SANBR: variants seen among roughly 807,000 people sequenced by gnomAD.
SANBR encodes the protein SANT and BTB domain regulator of CSR.
Under a neutral mutation model 101.8 loss-of-function variants are expected in SANBR, and 77 were observed. The observed-to-expected ratio is 0.76, with a 90% confidence interval of 0.63 to 0.91. SANBR has a LOEUF of 0.91. Among genes scored for constraint, SANBR ranks in the 40% least tolerant of loss-of-function variants. The pLI, the probability that SANBR is intolerant of heterozygous loss-of-function variation, is 0.00. For synonymous variants in SANBR, 279 were observed against 274.7 expected (o/e 1.02, Z -0.15); for missense variants, 875 against 853.0 (o/e 1.03, Z -0.32).
At chr2:61,106,538 C>T (rs765357937) in intron 13 of SANBR, 25 bp from the exon 14 acceptor site, 15 of 1,438,764 alleles carry the variant, frequency 1.0e-5, no homozygotes, top group Middle Eastern at 1.7e-4. Context: ...AACTCTTCTC[C>T]GTAAAAATGT....
At chr2:61,100,163 G>A (rs1683216508) in intron 12 of SANBR, among the ~76,000 whole-genome samples, 4 of 152,168 alleles carry the variant, frequency 2.6e-5, no homozygotes, top group Admixed American at 2.6e-4. Flanking sequence ...GGAATGCAAT[G>A]GCACGATCTC....
At chr2:61,128,376 C>G (rs928069318), downstream of SANBR, among the ~76,000 whole-genome samples, 1 of 152,146 alleles carries the variant, frequency 6.6e-6, no homozygotes, top group Non-Finnish European at 1.5e-5. Context: ...GATAACAGCC[C>G]AGGCACAGTG....
At chr2:61,098,143 G>T (rs1683121420) in intron 12 of SANBR, among the ~76,000 whole-genome samples, 1 of 143,210 alleles carries the variant, frequency 7.0e-6, no homozygotes, top group Non-Finnish European at 1.5e-5. Context: ...TCGCTCTGTT[G>T]CCCAGGGTGG....
intron 5 of SANBR, among the ~76,000 whole-genome samples, chr2:61,076,600 C>G (rs1440779404): frequency 2.0e-5 from 3 of 148,624 alleles, no homozygotes; most frequent in African/African-American, 7.4e-5. Context: ...TGCAGTCCAG[C>G]CTGGGTGACA....
Position 61,088,139 on chromosome 2 carries a change from T to G in SANBR, c.891-20T>G, listed in dbSNP as rs1028767356. On this transcript the variant is annotated intron_variant, in intron 8 of 21. Coordinates refer to ENST00000402291, the MANE Select transcript of SANBR (RefSeq NM_001129993.3). ...AAAGTAGTGTAGAAAATTAATATTT[T>G]GGTCATTTGTTGTTAATAGCAAACT... 2.9e-6 allele frequency: 4 copies of G among 1,361,954 alleles called. No individual in the cohort carries two copies. 84.4% of individuals were successfully genotyped at this position (1,361,954 alleles called of 1,614,324 possible).
chr2:61,089,066 T>C (rs919659050), intron 10 of SANBR: 4 of 953,434 alleles, frequency 4.2e-6, no homozygotes, highest in South Asian at 5.0e-5. Context: ...AATGCTCTCT[T>C]TTCACTAACA....
Position 61,123,374 on chromosome 2 carries a change from A to T in SANBR, c.*1212A>T, listed in dbSNP as rs1205534396. The T allele has an allele frequency of 2.0e-6, 2 of 982,448 alleles. No homozygotes were observed. The highest frequency in any genetic ancestry group is 2.4e-6 in the Non-Finnish European group (2 of 827,188). 60.9% of individuals were successfully genotyped at this position (982,448 alleles called of 1,614,324 possible). On this transcript the variant is annotated 3_prime_UTR_variant, in exon 22 of 22. Coordinates refer to ENST00000402291, the MANE Select transcript of SANBR (RefSeq NM_001129993.3). ...TGTTACACTCAGTTTACACGTACAG[A>T]AATCATTCTTTTTAGTGAGTCTTTT... is the stretch of plus-strand genomic sequence containing the variant.
At chr2:61,129,492 CTA>C (rs928781974) in intron 20 of SANBR, among the ~76,000 whole-genome samples, 4 of 151,122 alleles carry the variant, frequency 2.6e-5, no homozygotes, top group African/African-American at 9.7e-5. Flanking sequence ...ACAAATGACT[CTA>C]GACAGTAATA....
At chr2:61,088,500 TTTG>T in intron 10 of SANBR, 32 bp downstream of exon 10, 4 of 1,295,966 alleles carry the variant, frequency 3.1e-6, no homozygotes, top group Non-Finnish European at 4.3e-6. Context: ...TACATGTATT[TTTG>T]TATATATATA....
chr2:61,112,146 T>G (rs1236253672), intron 16 of SANBR, among the ~76,000 whole-genome samples: 7 of 152,208 alleles, frequency 4.6e-5, no homozygotes, highest in Admixed American at 2.0e-4. Context: ...AAGTGGCCGT[T>G]TTGCATCTCT....
At chr2:61,097,596 T>C in intron 11 of SANBR, 104 bp from the exon 12 acceptor site, 1 of 889,846 alleles carries the variant, frequency 1.1e-6, no homozygotes, top group Non-Finnish European at 1.7e-6. Context: ...TTTTTCTGCA[T>C]ATTTCATATA....
At chr2:61,080,311 T>C (rs1214931104) in intron 6 of SANBR, among the ~76,000 whole-genome samples, 2 of 151,862 alleles carry the variant, frequency 1.3e-5, no homozygotes, top group Non-Finnish European at 2.9e-5. Context: ...CCAGGAAAAC[T>C]ACCAAAATGC....
At chr2:61,088,904 G>C in intron 10 of SANBR, 2 of 913,102 alleles carry the variant, frequency 2.2e-6, no homozygotes, top group Non-Finnish European at 2.6e-6. Context: ...TTTTCTGCAT[G>C]TTATCCAACT....
intron 12 of SANBR, among the ~76,000 whole-genome samples, chr2:61,102,365 C>CAAAA (rs35795015): frequency 3.4e-5 from 2 of 59,444 alleles, no homozygotes; most frequent in African/African-American, 6.4e-5. Flanking sequence ...GACTGTGTCT[C>CAAAA]AAAAAAAAAA....
intron 5 of SANBR, among the ~76,000 whole-genome samples, chr2:61,074,441 C>G (rs139352927): frequency 0.023 from 3,439 of 152,260 alleles, 125 homozygotes; most frequent in African/African-American, 0.077. Flanking sequence ...CAAAGTCTCA[C>G]GCTGTCACCC....
At chr2:61,090,996 C>T (rs1342036309) in intron 10 of SANBR, among the ~76,000 whole-genome samples, 1 of 151,346 alleles carries the variant, frequency 6.6e-6, no homozygotes, top group Non-Finnish European at 1.5e-5. Context: ...GCAGCCTCCA[C>T]CTCCCAGGTT....
chr2:61,133,142 C>T (rs1274323348), intron 20 of SANBR, among the ~76,000 whole-genome samples: 3 of 152,062 alleles, frequency 2.0e-5, no homozygotes, highest in African/African-American at 7.2e-5. Context: ...ATCCCAGCTA[C>T]TTGGGAGGCT....
At chr2:61,117,295 A>C in intron 17 of SANBR, 62 bp from the exon 18 acceptor site, 4 of 1,425,644 alleles carry the variant, frequency 2.8e-6, no homozygotes, top group South Asian at 1.1e-5. Context: ...TTTATTACTA[A>C]CTATAGCACT....
intron 8 of SANBR, among the ~76,000 whole-genome samples, chr2:61,083,995 G>C (rs1157646698): frequency 6.6e-6 from 1 of 151,870 alleles, no homozygotes; most frequent in East Asian, 1.9e-4. Flanking sequence ...GTCTCTCTCT[G>C]TCGCCCAGGC....
Sources: gnomAD v4.1 joint callset for allele counts (sites outside exome capture counted in the v4.1 genomes callset) on GRCh38, gnomAD v4.1.1 for gene constraint, MANE v1.5 for transcripts, NCBI Gene and HGNC (gene_info 2026-07-23, HGNC 2026-07-21) for gene names.